The following DGKB variants were observed in gnomAD, a reference collection of about 807,000 sequenced individuals.
The protein encoded by DGKB is 90 kDa diacylglycerol kinase.
Under a neutral mutation model 114.3 loss-of-function variants are expected in DGKB, and 67 were observed. The ratio of observed to expected loss-of-function variants is 0.59; its 90% confidence interval spans 0.48 to 0.72. The LOEUF (loss-of-function observed/expected upper bound fraction) is 0.72. Among genes scored for constraint, DGKB ranks in the 30% least tolerant of loss-of-function variants. DGKB has a pLI of 0.00. For missense variants in DGKB, 907 were observed against 975.2 expected, an observed-to-expected ratio of 0.93 and a Z score of 0.93; for synonymous variants, 398 against 323.1, an observed-to-expected ratio of 1.23 and a Z score of -2.49.
intron 20 of DGKB, among the ~76,000 whole-genome samples, chr7:14,530,656 G>A (rs547917694): frequency 3.6e-4 from 54 of 151,566 alleles, no homozygotes; most frequent in African/African-American, 1.3e-3. Flanking sequence ...GAATTCCTGA[G>A]GAGATATGTG....
chr7:14,703,809 G>A (rs542246243), intron 6 of DGKB, among the ~76,000 whole-genome samples: 7 of 152,134 alleles, frequency 4.6e-5, no homozygotes, highest in South Asian at 4.1e-4. Flanking sequence ...CCTAAATATC[G>A]CTTAAAAATA....
chr7:14,717,112 T>C (rs942586730), intron 6 of DGKB, among the ~76,000 whole-genome samples: 3 of 152,156 alleles, frequency 2.0e-5, no homozygotes, highest in Non-Finnish European at 4.4e-5. Flanking sequence ...ACATTCTATC[T>C]GCAACTGTAG....
rs201660453 is a variant in DGKB, at chr7:14,361,686, CA to C, written c.1836-16296del. Reference sequence around the variant, plus strand: ...GAAACATCCCCTCTCTTTTTCTCTCCAATATTATCTACTATTTTTAAAATGT... The same window carrying C: ...GAAACATCCCCTCTCTTTTTCTCTCCATATTATCTACTATTTTTAAAATGT... On this transcript the variant is annotated intron_variant, in intron 21 of 25. Transcript: ENST00000402815. 7.6e-3 allele frequency among the ~76,000 whole-genome samples: 1,161 copies of C among 151,984 alleles called. 20 individuals are homozygous for C. The highest frequency in any genetic ancestry group is 0.027 in the African/African-American group (1,124 of 41,520).
At chr7:14,384,729 T>C (rs566327794) in intron 21 of DGKB, among the ~76,000 whole-genome samples, 1 of 152,220 alleles carries the variant, frequency 6.6e-6, no homozygotes, top group Admixed American at 6.5e-5. Context: ...CTGGGGTCAA[T>C]TGTGTCTGCC....
intron 4 of DGKB, among the ~76,000 whole-genome samples, chr7:14,752,135 C>G (rs1251430672): frequency 6.6e-6 from 1 of 152,110 alleles, no homozygotes; most frequent in Non-Finnish European, 1.5e-5. Context: ...CATATTTTCT[C>G]TGTTATACTT....
chr7:14,390,805 A>G (rs1821195385), intron 21 of DGKB, among the ~76,000 whole-genome samples: 1 of 152,212 alleles, frequency 6.6e-6, no homozygotes, highest in Admixed American at 6.5e-5. Flanking sequence ...AATAAAGGGA[A>G]ATATAATTAT....
At chr7:14,853,168 C>T (rs1442045926) in intron 1 of DGKB, among the ~76,000 whole-genome samples, 1 of 151,984 alleles carries the variant, frequency 6.6e-6, no homozygotes, top group Non-Finnish European at 1.5e-5. Flanking sequence ...ACTTTTTTAC[C>T]AAACGATATT....
intron 13 of DGKB, among the ~76,000 whole-genome samples, chr7:14,649,457 T>C (rs1434617107): frequency 4.0e-5 from 6 of 151,170 alleles, no homozygotes; most frequent in Admixed American, 2.0e-4. Flanking sequence ...AGAGATTTTG[T>C]CACCACCAGG....
chr7:14,875,937 C>T (rs1853216112), intron 1 of DGKB, among the ~76,000 whole-genome samples: 1 of 152,112 alleles, frequency 6.6e-6, no homozygotes, highest in Non-Finnish European at 1.5e-5. Flanking sequence ...ATTGGACACT[C>T]TTGGGATAAA....
intron 2 of DGKB, among the ~76,000 whole-genome samples, chr7:14,823,159 CAGTG>C (rs1562630521): frequency 6.6e-6 from 1 of 151,406 alleles, no homozygotes; most frequent in Non-Finnish European, 1.5e-5. Flanking sequence ...TGTAAAGAAA[CAGTG>C]AGATTTCTAT....
chr7:14,632,155 A>G (rs1430490346), intron 13 of DGKB, among the ~76,000 whole-genome samples: 1 of 152,008 alleles, frequency 6.6e-6, no homozygotes, highest in Non-Finnish European at 1.5e-5. Context: ...CACTTTTACC[A>G]TGCCCAAAAA....
intron 21 of DGKB, among the ~76,000 whole-genome samples, chr7:14,346,197 A>G (rs1024068561): frequency 6.6e-6 from 1 of 151,828 alleles, no homozygotes; most frequent in Admixed American, 6.6e-5. Flanking sequence ...ACTTATAAAT[A>G]TTGATATCTG....
At chr7:14,176,541 T>C (rs1047167657) in intron 25 of DGKB, 2 of 1,060,808 alleles carry the variant, frequency 1.9e-6, no homozygotes, top group Non-Finnish European at 1.1e-6. Context: ...AAACTTTTAT[T>C]AATATTTTGT....
intron 21 of DGKB, among the ~76,000 whole-genome samples, chr7:14,353,796 T>C (rs970030033): frequency 2.0e-5 from 3 of 152,190 alleles, no homozygotes; most frequent in African/African-American, 7.2e-5. Context: ...GGAGGTAAAG[T>C]AGAGAATTTC....
At chr7:14,354,389 G>C (rs1028093952) in intron 21 of DGKB, among the ~76,000 whole-genome samples, 1 of 152,218 alleles carries the variant, frequency 6.6e-6, no homozygotes, top group Admixed American at 6.5e-5. Flanking sequence ...TCCTGACTTT[G>C]GGTATCAGGG....
chr7:14,370,392 T>C (rs190826651), intron 21 of DGKB, among the ~76,000 whole-genome samples: 1 of 152,288 alleles, frequency 6.6e-6, no homozygotes, highest in Admixed American at 6.5e-5. Context: ...TTGCTTAGAA[T>C]TGTCTGGGCT....
At chr7:14,504,882 G>A (rs960125543) in intron 20 of DGKB, among the ~76,000 whole-genome samples, 3 of 152,022 alleles carry the variant, frequency 2.0e-5, no homozygotes, top group Admixed American at 2.0e-4. Flanking sequence ...CAAGCAAATT[G>A]GATAGATAAG....
chr7:14,272,701 T>C (rs1798436980), intron 23 of DGKB, among the ~76,000 whole-genome samples: 1 of 152,116 alleles, frequency 6.6e-6, no homozygotes, highest in African/African-American at 2.4e-5. Flanking sequence ...CTATGAGACA[T>C]ACATAAAAAA....
At chr7:14,562,290 G>C (rs1796777628) in intron 20 of DGKB, among the ~76,000 whole-genome samples, 1 of 152,196 alleles carries the variant, frequency 6.6e-6, no homozygotes, top group Non-Finnish European at 1.5e-5. Context: ...CAGGGGTGGG[G>C]ACCTCATGTA....
Sources: gnomAD v4.1 joint callset for allele counts (sites outside exome capture counted in the v4.1 genomes callset) on GRCh38, gnomAD v4.1.1 for gene constraint, MANE v1.5 for transcripts, NCBI Gene and HGNC (gene_info 2026-07-23, HGNC 2026-07-21) for gene names.